The following PTPRT variants were observed in gnomAD, a reference collection of about 807,000 sequenced individuals.
PTPRT encodes the protein receptor-type tyrosine-protein phosphatase T.
A neutral mutation model predicts 176.8 loss-of-function variants in PTPRT; 56 were observed. That is an observed-to-expected ratio of 0.32 (90% CI 0.26 to 0.40). The LOEUF is 0.40. Ranked by LOEUF, PTPRT falls within the 10% of genes least tolerant of loss-of-function variation. The pLI is 1.00. For missense variants in PTPRT, 1,540 were observed against 1,908.2 expected, an observed-to-expected ratio of 0.81 and a Z score of 3.60; for synonymous variants, 783 against 739.0, an observed-to-expected ratio of 1.06 and a Z score of -0.96.
chr20:42,214,584 T>C (rs1477716148), intron 15 of PTPRT, among the ~76,000 whole-genome samples: 1 of 152,216 alleles, frequency 6.6e-6, no homozygotes, highest in East Asian at 1.9e-4. Flanking sequence ...TTCCATTGCT[T>C]TGCTATCTTG....
intron 7 of PTPRT, among the ~76,000 whole-genome samples, chr20:42,665,059 A>ACACCAAAAGCAATGG: frequency 6.6e-6 from 1 of 152,152 alleles, no homozygotes; most frequent in Non-Finnish European, 1.5e-5. Context: ...CATGTCTAAA[A>ACACCAAAAGCAATGG]CACCAAAAGC....
intron 7 of PTPRT, among the ~76,000 whole-genome samples, chr20:42,536,151 C>A (rs2072472999): frequency 6.6e-6 from 1 of 152,100 alleles, no homozygotes; most frequent in South Asian, 2.1e-4. Flanking sequence ...CCTGCCCCGG[C>A]AGAGCTCTGT....
chr20:42,667,500 T>A (rs901182511), intron 7 of PTPRT, among the ~76,000 whole-genome samples: 1 of 152,222 alleles, frequency 6.6e-6, no homozygotes, highest in Non-Finnish European at 1.5e-5. Flanking sequence ...GTAAGAGTGA[T>A]TGAACTCTAA....
chr20:42,568,422 C>CA lies in PTPRT; in HGVS notation c.1154-95861dup, dbSNP rs530296351. On this transcript the variant is annotated intron_variant, in intron 7 of 30. Coordinates refer to ENST00000373187, the MANE Select transcript of PTPRT (RefSeq NM_007050.6). ...TGAGAAAATTGAGGAGCAGAGAGAA[C>CA]AAGTGATGTGTTTACCACTGCTCAC... Among the ~76,000 whole-genome samples the CA allele has an allele frequency of 3.1e-3, 465 of 152,282 alleles. 19 individuals are homozygous for CA. The South Asian group carries it at 0.092, about 30-fold the overall frequency.
At chr20:42,373,653 T>C (rs998116841) in intron 9 of PTPRT, among the ~76,000 whole-genome samples, 24 of 152,240 alleles carry the variant, frequency 1.6e-4, no homozygotes, top group Admixed American at 3.9e-4. Flanking sequence ...TAGAGGCGTC[T>C]CATTCGCAAT....
intron 1 of PTPRT, among the ~76,000 whole-genome samples, chr20:43,173,734 T>C (rs1043923862): frequency 1.3e-5 from 2 of 152,210 alleles, no homozygotes; most frequent in East Asian, 3.9e-4. Flanking sequence ...TCAACCTCTG[T>C]TCCAGGACAG....
intron 9 of PTPRT, among the ~76,000 whole-genome samples, chr20:42,371,841 T>C (rs895814565): frequency 5.9e-5 from 9 of 152,176 alleles, no homozygotes; most frequent in South Asian, 2.1e-4. Flanking sequence ...AGCTGCTAAA[T>C]TGTAGTCTTT....
chr20:42,983,314 G>A (rs1983382956), intron 1 of PTPRT, among the ~76,000 whole-genome samples: 1 of 152,212 alleles, frequency 6.6e-6, no homozygotes, highest in Admixed American at 6.5e-5. Context: ...AAAATGAGTT[G>A]AGAAGGGAGA....
chr20:42,666,247 C>T (rs1002136028), intron 7 of PTPRT, among the ~76,000 whole-genome samples: 9 of 152,176 alleles, frequency 5.9e-5, no homozygotes, highest in Non-Finnish European at 1.2e-4. Context: ...GAGCCTGACA[C>T]GTGGTTGGCA....
chr20:42,494,271 T>A (rs978764920), intron 7 of PTPRT, among the ~76,000 whole-genome samples: 2 of 152,164 alleles, frequency 1.3e-5, no homozygotes, highest in Non-Finnish European at 2.9e-5. Context: ...TTTTAATTTG[T>A]TTTTATTGAT....
At chr20:42,347,430 T>C (rs1218536512) in intron 11 of PTPRT, among the ~76,000 whole-genome samples, 1 of 152,142 alleles carries the variant, frequency 6.6e-6, no homozygotes, top group Non-Finnish European at 1.5e-5. Context: ...ACCGCTTCTC[T>C]CAATCACTAC....
intron 12 of PTPRT, 77 bp downstream of exon 12, chr20:42,315,646 G>A: frequency 6.6e-7 from 1 of 1,517,656 alleles, no homozygotes; most frequent in Non-Finnish European, 9.0e-7. Context: ...CTCTGCTCTA[G>A]AGCCCTGCTG....
chr20:42,769,818 C>A (rs1439673480), intron 5 of PTPRT, among the ~76,000 whole-genome samples: 1 of 152,182 alleles, frequency 6.6e-6, no homozygotes, highest in African/African-American at 2.4e-5. Flanking sequence ...CTGTTACACA[C>A]AACAACATAA....
intron 1 of PTPRT, among the ~76,000 whole-genome samples, chr20:42,959,789 T>C (rs1981883798): frequency 2.0e-5 from 3 of 152,132 alleles, no homozygotes; most frequent in Non-Finnish European, 4.4e-5. Flanking sequence ...TGTGAACAGC[T>C]GACACTGGCT....
intron 22 of PTPRT, among the ~76,000 whole-genome samples, chr20:42,114,946 T>G (rs1176220900): frequency 6.6e-6 from 1 of 152,190 alleles, no homozygotes; most frequent in Non-Finnish European, 1.5e-5. Context: ...CTCCATCCTT[T>G]GCATATTCCT....
At chr20:43,180,950 T>C (rs992896907) in intron 1 of PTPRT, among the ~76,000 whole-genome samples, 1 of 152,180 alleles carries the variant, frequency 6.6e-6, no homozygotes, top group Admixed American at 6.5e-5. Flanking sequence ...AGTGATGTGA[T>C]GTCCCTTCCC....
At chr20:42,207,031 C>G (rs1281751264) in intron 15 of PTPRT, among the ~76,000 whole-genome samples, 1 of 152,190 alleles carries the variant, frequency 6.6e-6, no homozygotes, top group South Asian at 2.1e-4. Flanking sequence ...AGCAGGGGCA[C>G]ACTGACACCT....
rs185686081 is a variant in PTPRT at position 42,406,398 on chromosome 20, G to A, written c.1560+41822C>T. Among the ~76,000 whole-genome samples the A allele has an allele frequency of 2.8e-4, 42 of 152,006 alleles. No homozygotes were observed. The East Asian group carries it at 8.1e-3, about 29-fold the overall frequency. ...ATTTTAAAATATTATGTATAACTCTGTAATAAGAAATTTGAGAATTTCGAG... is the reference window on the plus strand; with the variant it reads ...ATTTTAAAATATTATGTATAACTCTATAATAAGAAATTTGAGAATTTCGAG... On this transcript the variant is annotated intron_variant, in intron 9 of 30. Coordinates refer to ENST00000373187, the MANE Select transcript of PTPRT (RefSeq NM_007050.6).
the PTPRT span, among the ~76,000 whole-genome samples, chr20:42,049,113 A>C: frequency 6.6e-6 from 1 of 152,330 alleles, no homozygotes; most frequent in South Asian, 2.1e-4. Context: ...TACCACTGCC[A>C]CTAAGTTTTA....
Sources: allele counts gnomAD v4.1 joint callset (sites outside exome capture counted in the v4.1 genomes callset), GRCh38; gene constraint gnomAD v4.1.1; transcripts MANE v1.5; gene names NCBI Gene and HGNC (gene_info 2026-07-23, HGNC 2026-07-21).